Variants in STK24 observed in about 807,000 individuals in gnomAD.
STK24 encodes the protein serine/threonine-protein kinase 24.
A neutral mutation model predicts 55.6 loss-of-function variants in STK24; 21 were observed. The observed-to-expected ratio is 0.38, with a 90% confidence interval of 0.27 to 0.54. The LOEUF (loss-of-function observed/expected upper bound fraction) is 0.54. Among genes scored for constraint, STK24 ranks in the 20% least tolerant of loss-of-function variants. The probability of loss-of-function intolerance (pLI) is 0.79; values close to 1 mark genes in which losing one functional copy is unlikely to be tolerated. For synonymous variants in STK24, 200 were observed against 215.2 expected (o/e 0.93, Z 0.62); for missense variants, 383 against 538.4 (o/e 0.71, Z 2.86).
At chr13:98,456,724 G>A (rs1893475169) in intron 10 of STK24, 1 of 363,196 alleles carries the variant, frequency 2.8e-6, no homozygotes, top group Non-Finnish European at 5.5e-6. Context: ...GACACACACA[G>A]CTAACACAGG....
chr13:98,469,237 C>T lies in STK24; in HGVS notation c.598-2676G>A, dbSNP rs563729245. Among the ~76,000 whole-genome samples the T allele has an allele frequency of 2.6e-5, 4 of 152,304 alleles. No individual in the cohort carries two copies. In the South Asian group the frequency reaches 6.2e-4, roughly 24 times the overall value. On this transcript the variant is annotated intron_variant, in intron 5 of 10. Transcript: ENST00000539966. The stretch of plus-strand genomic sequence containing the variant: ...TCTCCTGGCTTCCAAGGAGGGCAGC[C>T]AGTACAGCACCATCAAGAACAAACA...
At chr13:98,534,906 T>C (rs1218839380) in intron 1 of STK24, among the ~76,000 whole-genome samples, 2 of 152,230 alleles carry the variant, frequency 1.3e-5, no homozygotes, top group Non-Finnish European at 2.9e-5. Context: ...TAGCCAGCAC[T>C]ATGTGAATTA....
chr13:98,486,763 A>G (rs1894822315), intron 2 of STK24, among the ~76,000 whole-genome samples: 1 of 152,252 alleles, frequency 6.6e-6, no homozygotes, highest in African/African-American at 2.4e-5. Flanking sequence ...GTTCCTGACC[A>G]GAAGCACCGT....
chr13:98,522,290 T>A (rs1896290959), intron 1 of STK24, among the ~76,000 whole-genome samples: 1 of 152,176 alleles, frequency 6.6e-6, no homozygotes. Flanking sequence ...CCTGGGCCTC[T>A]ACTCCTTCTC....
intron 2 of STK24, among the ~76,000 whole-genome samples, chr13:98,495,506 T>G (rs556733996): frequency 1.2e-3 from 185 of 152,352 alleles, no homozygotes; most frequent in African/African-American, 4.4e-3. Context: ...ATAGGTAACA[T>G]TAGCCAGAAA....
At chr13:98,572,917 C>A (rs890701787) in intron 1 of STK24, among the ~76,000 whole-genome samples, 2 of 152,084 alleles carry the variant, frequency 1.3e-5, no homozygotes, top group Non-Finnish European at 2.9e-5. Flanking sequence ...AGTGTTGCAA[C>A]CAGCTCCTTT....
chr13:98,465,319 C>T lies in STK24; in HGVS notation c.783+1057G>A, dbSNP rs181954808. On this transcript the variant is annotated intron_variant, in intron 6 of 10. Coordinates refer to ENST00000539966, the MANE Select transcript of STK24 (RefSeq NM_001032296.4). Reference sequence around the variant, plus strand: ...TGAAACCCCAACTACCCCGGAGGTGCTCATATTCTCGCCTCTCAGCCAGCT... The same window carrying T: ...TGAAACCCCAACTACCCCGGAGGTGTTCATATTCTCGCCTCTCAGCCAGCT... 1.7e-4 allele frequency among the ~76,000 whole-genome samples: 26 copies of T among 152,358 alleles called. No individual in the cohort carries two copies. The East Asian group carries it at 2.3e-3, about 14-fold the overall frequency.
chr13:98,564,804 C>A (rs1402173400), intron 1 of STK24, among the ~76,000 whole-genome samples: 4 of 152,034 alleles, frequency 2.6e-5, no homozygotes, highest in African/African-American at 9.7e-5. Flanking sequence ...ACTTAAGAGG[C>A]AGAAGCAGGA....
intron 2 of STK24, among the ~76,000 whole-genome samples, chr13:98,484,822 C>A (rs1894745589): frequency 6.6e-6 from 1 of 152,196 alleles, no homozygotes; most frequent in Non-Finnish European, 1.5e-5. Context: ...CGCCTCAGGA[C>A]CAAGGCCGCC....
At chr13:98,551,285 C>CAA (rs35925473) in intron 1 of STK24, among the ~76,000 whole-genome samples, 2,088 of 119,746 alleles carry the variant, frequency 0.017, 56 homozygotes, top group African/African-American at 0.056. Flanking sequence ...GACTCTGTCT[C>CAA]AAAAAAAAAA....
rs1468312746 is a variant in STK24 at position 98,448,490 on chromosome 13, A to C, written c.*4683T>G. The C allele has an allele frequency of 4.0e-5, 24 of 602,904 alleles. No individual in the cohort carries two copies. Among genetic ancestry groups the C allele is most frequent in the Non-Finnish European group, 1.2e-5 (4 of 336,356 alleles). The allele number at this position is 602,904 out of a possible 1,614,324, so 37.3% of individuals were successfully genotyped here. On this transcript the variant is annotated 3_prime_UTR_variant, in exon 11 of 11. Coordinates refer to ENST00000539966, the MANE Select transcript of STK24 (RefSeq NM_001032296.4). ...TTTAACCCCGACCTCTCAGCGTCTGAATGAACAGCGCTCCCACCTCCAGTC... is the reference window on the plus strand; with the variant it reads ...TTTAACCCCGACCTCTCAGCGTCTGCATGAACAGCGCTCCCACCTCCAGTC...
In STK24 at chr13:98,576,930, G is replaced by A; in HGVS notation, c.-144C>T. On this transcript the variant is annotated 5_prime_UTR_variant, in exon 1 of 11. Transcript: ENST00000539966. ...GCCACCCCAGCCCTGGCGGGTCCCGGCCGGGCGGCGGGGGCTCAGCGGCGG... is the reference window on the plus strand; with the variant it reads ...GCCACCCCAGCCCTGGCGGGTCCCGACCGGGCGGCGGGGGCTCAGCGGCGG... 5 of 334,694 alleles carry A rather than the reference G, an allele frequency of 1.5e-5. No individual in the cohort carries two copies. Among genetic ancestry groups the A allele is most frequent in the Non-Finnish European group, 2.1e-5 (5 of 238,180 alleles). The allele number at this position is 334,694 out of a possible 1,614,324, so 20.7% of individuals were successfully genotyped here. A position where few individuals can be genotyped will look rare whatever the true frequency, so the allele number is the denominator to read the frequency against.
chr13:98,537,988 G>A (rs992323342), intron 1 of STK24, among the ~76,000 whole-genome samples: 3 of 152,090 alleles, frequency 2.0e-5, no homozygotes, highest in African/African-American at 4.8e-5. Flanking sequence ...GGTGCAGCTG[G>A]AGGTCAGAGT....
intron 1 of STK24, among the ~76,000 whole-genome samples, chr13:98,548,917 C>T (rs1394666359): frequency 6.7e-6 from 1 of 150,008 alleles, no homozygotes; most frequent in Non-Finnish European, 1.5e-5. Context: ...ACCATATGAC[C>T]TTCAATACAC....
chr13:98,462,809 C>T (rs1401762947), intron 7 of STK24, among the ~76,000 whole-genome samples: 1 of 152,192 alleles, frequency 6.6e-6, no homozygotes, highest in African/African-American at 2.4e-5. Context: ...CCACACATCA[C>T]AACACCTGGT....
intron 1 of STK24, 151 bp downstream of exon 1, chr13:98,576,594 A>C (rs1897901250): frequency 1.7e-5 from 9 of 540,434 alleles, no homozygotes; most frequent in Non-Finnish European, 2.6e-5. Context: ...AGGGACTCGG[A>C]CTCGGACCCC....
intron 1 of STK24, among the ~76,000 whole-genome samples, chr13:98,521,085 T>C (rs984873122): frequency 1.3e-5 from 2 of 152,204 alleles, no homozygotes; most frequent in African/African-American, 4.8e-5. Context: ...CGGAAGGTCA[T>C]GGCCAGCGTA....
At chr13:98,530,470 G>A (rs1287142487) in intron 1 of STK24, among the ~76,000 whole-genome samples, 4 of 152,076 alleles carry the variant, frequency 2.6e-5, no homozygotes, top group South Asian at 4.2e-4. Flanking sequence ...TGTCATGCCC[G>A]GGTGCCCTCT....
Position 98,491,014 on chromosome 13 carries a change from G to A in STK24, c.274-8693C>T, listed in dbSNP as rs1418634173. Among the ~76,000 whole-genome samples, 2 of 149,278 alleles carry A rather than the reference G, an allele frequency of 1.3e-5. 1 individual carries two copies. The highest frequency in any genetic ancestry group is 4.3e-4 in the South Asian group (2 of 4,668). ...GGGGACCAGCCCAGCACAGAAAGCC[G>A]GGGGAGCTGTCAGGCTAGGGTGGAG... On this transcript the variant is annotated intron_variant, in intron 2 of 10. Transcript: ENST00000539966.
Sources: gnomAD v4.1 joint callset for allele counts (sites outside exome capture counted in the v4.1 genomes callset) on GRCh38, gnomAD v4.1.1 for gene constraint, MANE v1.5 for transcripts, NCBI Gene and HGNC (gene_info 2026-07-23, HGNC 2026-07-21) for gene names.